Variants in HS3ST4 observed in about 807,000 individuals in gnomAD.
The protein encoded by HS3ST4 is heparan sulfate-glucosamine 3-sulfotransferase 4.
A neutral mutation model predicts 29.2 loss-of-function variants in HS3ST4; 17 were observed. The observed-to-expected ratio is 0.58, with a 90% CI of 0.40 to 0.87. The LOEUF (loss-of-function observed/expected upper bound fraction) is 0.87. HS3ST4 is among the 40% of genes least tolerant of loss of function. The pLI is 0.00. For synonymous variants in HS3ST4, 314 were observed against 285.7 expected, an observed-to-expected ratio of 1.10 and a Z score of -1.00; for missense variants, 627 against 634.5, an observed-to-expected ratio of 0.99 and a Z score of 0.13.
At chr16:25,750,340 G>A (rs1052976468) in intron 1 of HS3ST4, among the ~76,000 whole-genome samples, 1 of 152,092 alleles carries the variant, frequency 6.6e-6, no homozygotes, top group Non-Finnish European at 1.5e-5. Context: ...ACCTAACCTT[G>A]GACATCACGT....
chr16:26,135,649 A>C lies in HS3ST4; in HGVS notation c.772A>C (p.Met258Leu), dbSNP rs776394221. The change falls in exon 2 of 2, where the codon ATG (methionine) becomes CTG (leucine). Residue 258 changes from methionine (M) to leucine (L), a missense_variant. Physicochemically the swap from Met to Leu is conservative, Grantham distance 15. This residue lies in a region of HS3ST4 where 225 missense variants were observed against 293.7 expected (regional missense o/e 0.77). Coordinates refer to ENST00000331351, the MANE Select transcript of HS3ST4 (RefSeq NM_006040.3). ...MPKTLDGQIT[M>L]EKTPSYFVTN... Reference sequence around the variant, plus strand: ...CAAGACTTTGGATGGGCAAATAACCATGGAGAAGACTCCAAGTTACTTTGT... The same window carrying C: ...CAAGACTTTGGATGGGCAAATAACCCTGGAGAAGACTCCAAGTTACTTTGT... 3.7e-6 allele frequency: 6 copies of C among 1,612,210 alleles called. No individual in the cohort carries two copies. The South Asian group carries it at 5.5e-5, about 15-fold the overall frequency.
At chr16:26,017,585 T>C (rs1969373655) in intron 1 of HS3ST4, among the ~76,000 whole-genome samples, 1 of 152,212 alleles carries the variant, frequency 6.6e-6, no homozygotes, top group South Asian at 2.1e-4. Context: ...ATGGTAGCAC[T>C]GTACCAAAGC....
intron 1 of HS3ST4, among the ~76,000 whole-genome samples, chr16:25,826,964 A>G (rs745845676): frequency 6.6e-5 from 10 of 152,172 alleles, no homozygotes; most frequent in Non-Finnish European, 8.8e-5. Context: ...CTTTGTTTGC[A>G]AGTAACAGAG....
chr16:25,948,861 G>A (rs1371141234), intron 1 of HS3ST4, among the ~76,000 whole-genome samples: 1 of 152,124 alleles, frequency 6.6e-6, no homozygotes, highest in Non-Finnish European at 1.5e-5. Flanking sequence ...CCGTTGTTAA[G>A]CATATTTTAC....
intron 1 of HS3ST4, among the ~76,000 whole-genome samples, chr16:25,990,147 A>G (rs908117829): frequency 6.6e-6 from 1 of 152,162 alleles, no homozygotes; most frequent in Non-Finnish European, 1.5e-5. Context: ...TGAATGTATC[A>G]CATTCACCTA....
intron 1 of HS3ST4, among the ~76,000 whole-genome samples, chr16:26,105,041 C>T (rs1211964805): frequency 1.3e-5 from 2 of 152,142 alleles, no homozygotes; most frequent in African/African-American, 4.8e-5. Flanking sequence ...TTCTTCAAGC[C>T]TTATCCCCCG....
intron 1 of HS3ST4, among the ~76,000 whole-genome samples, chr16:25,869,305 G>A (rs747717403): frequency 4.6e-5 from 7 of 151,982 alleles, no homozygotes; most frequent in East Asian, 3.9e-4. Flanking sequence ...CACTTTCTCC[G>A]CAAGCAAAGG....
At chr16:26,022,460 C>A (rs1314336580) in intron 1 of HS3ST4, among the ~76,000 whole-genome samples, 1 of 152,006 alleles carries the variant, frequency 6.6e-6, no homozygotes. Context: ...AATCAAGGGC[C>A]CACAGTCTTT....
At chr16:25,893,786 G>A (rs1290245112) in intron 1 of HS3ST4, among the ~76,000 whole-genome samples, 1 of 152,206 alleles carries the variant, frequency 6.6e-6, no homozygotes, top group Non-Finnish European at 1.5e-5. Flanking sequence ...CATTGGACAG[G>A]TGAAAATAAT....
intron 1 of HS3ST4, among the ~76,000 whole-genome samples, chr16:25,888,081 A>T (rs1967973218): frequency 6.6e-6 from 1 of 152,150 alleles, no homozygotes. Context: ...TGTTCATGCC[A>T]TGAAAGTTGA....
At chr16:26,066,771 A>C (rs1420471030) in intron 1 of HS3ST4, among the ~76,000 whole-genome samples, 1 of 152,244 alleles carries the variant, frequency 6.6e-6, no homozygotes, top group Non-Finnish European at 1.5e-5. Flanking sequence ...GATTTCTTGC[A>C]TCTCACTTTA....
chr16:25,781,015 A>G (rs1317200119), intron 1 of HS3ST4, among the ~76,000 whole-genome samples: 1 of 152,190 alleles, frequency 6.6e-6, no homozygotes, highest in Non-Finnish European at 1.5e-5. Flanking sequence ...ATTAATAATT[A>G]AAATATGGAA....
Position 26,137,000 on chromosome 16 carries a change from A to G in HS3ST4, c.*752A>G, listed in dbSNP as rs753337120. 1 of 152,174 alleles carries G rather than the reference A, an allele frequency of 6.6e-6. No homozygotes were observed. The highest frequency in any genetic ancestry group is 2.4e-5 in the African/African-American group (1 of 41,434). 9.4% of individuals were successfully genotyped at this position (152,174 alleles called of 1,614,324 possible). A position where few individuals can be genotyped will look rare whatever the true frequency, so the allele number is the denominator to read the frequency against. On this transcript the variant is annotated 3_prime_UTR_variant, in exon 2 of 2. Transcript: ENST00000331351. ...AGTATCCTGGGTTGTGCAGAAGCTT[A>G]GCATATGCCCTTGTGTTCGGATCAG...
chr16:25,788,638 T>C (rs577247583), intron 1 of HS3ST4, among the ~76,000 whole-genome samples: 52 of 144,332 alleles, frequency 3.6e-4, no homozygotes, highest in African/African-American at 1.3e-3. Context: ...ACTCCTGGGC[T>C]CAAGCTATCC....
chr16:26,007,687 AG>A (rs1163382685), intron 1 of HS3ST4, among the ~76,000 whole-genome samples: 1 of 152,190 alleles, frequency 6.6e-6, no homozygotes, highest in East Asian at 1.9e-4. Context: ...CAGGCATTGA[AG>A]ACAGAAGCCT....
intron 1 of HS3ST4, among the ~76,000 whole-genome samples, chr16:25,879,177 A>G (rs1967867066): frequency 6.6e-6 from 1 of 152,198 alleles, no homozygotes; most frequent in Non-Finnish European, 1.5e-5. Flanking sequence ...TTGGATGAGC[A>G]ATGAACCCAC....
intron 1 of HS3ST4, among the ~76,000 whole-genome samples, chr16:26,065,153 A>G (rs1017708946): frequency 2.0e-5 from 3 of 152,204 alleles, no homozygotes; most frequent in East Asian, 1.9e-4. Flanking sequence ...AAAACATACT[A>G]TTATAAAGAC....
At chr16:25,838,628 C>G (rs4511540) in intron 1 of HS3ST4, among the ~76,000 whole-genome samples, 2 of 151,942 alleles carry the variant, frequency 1.3e-5, no homozygotes, top group South Asian at 2.1e-4. Context: ...TTATTTCTCA[C>G]GCTCTGTCTT....
chr16:25,742,351 A>T (rs1966660276), intron 1 of HS3ST4, among the ~76,000 whole-genome samples: 1 of 152,156 alleles, frequency 6.6e-6, no homozygotes, highest in South Asian at 2.1e-4. Context: ...TTCCACCAAA[A>T]ATCTCAGTGT....
Sources: allele counts gnomAD v4.1 joint callset (sites outside exome capture counted in the v4.1 genomes callset), GRCh38; gene constraint gnomAD v4.1.1; regional missense constraint gnomAD v4.1.1; transcripts MANE v1.5; gene names NCBI Gene and HGNC (gene_info 2026-07-23, HGNC 2026-07-21).